The following MBP variants were observed in gnomAD, a reference collection of about 807,000 sequenced individuals.
MBP encodes myelin basic protein, also known as Golli-MBP.
A neutral mutation model predicts 35.8 loss-of-function variants in MBP; 16 were observed. The observed-to-expected ratio is 0.45, with a 90% CI of 0.30 to 0.68. The LOEUF is 0.68. MBP is among the 30% of genes least tolerant of loss of function. The pLI is 0.08. For synonymous variants in MBP, 143 were observed against 159.6 expected (o/e 0.90, Z 0.78); for missense variants, 380 against 404.7 (o/e 0.94, Z 0.52).
intron 1 of MBP, among the ~76,000 whole-genome samples, chr18:77,125,575 A>G (rs1977021627): frequency 1.3e-5 from 2 of 152,204 alleles, no homozygotes; most frequent in Non-Finnish European, 2.9e-5. Flanking sequence ...ATTTTAAAGA[A>G]ATAGAATAAT....
intron 4 of MBP, chr18:77,015,979 CTTCT>C (rs1971599238): frequency 1.0e-6 from 1 of 985,276 alleles, no homozygotes; most frequent in Non-Finnish European, 1.2e-6. Flanking sequence ...TTGGGAAAAA[CTTCT>C]TTCTCTCCAA....
chr18:76,999,912 C>T (rs561641814), intron 4 of MBP, among the ~76,000 whole-genome samples: 15 of 152,272 alleles, frequency 9.9e-5, no homozygotes, highest in African/African-American at 3.6e-4. Flanking sequence ...AAGTACTGCA[C>T]TTTCTTTGTG....
chr18:77,057,764 T>A (rs1462765571), intron 3 of MBP, among the ~76,000 whole-genome samples: 1 of 151,932 alleles, frequency 6.6e-6, no homozygotes, highest in Non-Finnish European at 1.5e-5. Context: ...AAAGATGCAA[T>A]GATTTAAAAA....
At chr18:77,107,657 A>G (rs529229420) in intron 1 of MBP, among the ~76,000 whole-genome samples, 1 of 152,310 alleles carries the variant, frequency 6.6e-6, no homozygotes, top group South Asian at 2.1e-4. Flanking sequence ...TTTCTTCCGA[A>G]TCAGTTTGTT....
At chr18:77,014,425 G>GA (rs2123444205) in intron 4 of MBP, 2 of 985,524 alleles carry the variant, frequency 2.0e-6, no homozygotes, top group South Asian at 9.4e-5. Flanking sequence ...GGGAGAAGCA[G>GA]AACTGTGTGT....
At chr18:77,013,969 G>C (rs1971487506) in intron 4 of MBP, 2 of 985,314 alleles carry the variant, frequency 2.0e-6, no homozygotes, top group South Asian at 4.7e-5. Context: ...AGGTCACTTA[G>C]AGAGAAGCTG....
chr18:77,125,909 T>C (rs1343875846), intron 1 of MBP, among the ~76,000 whole-genome samples: 1 of 150,178 alleles, frequency 6.7e-6, no homozygotes, highest in Admixed American at 6.6e-5. Context: ...GAGCTAAATA[T>C]ATACAAACAA....
chr18:77,081,765 TATACACACACAC>T (rs1482955970), intron 2 of MBP, among the ~76,000 whole-genome samples: 1 of 93,194 alleles, frequency 1.1e-5, no homozygotes, highest in Non-Finnish European at 2.4e-5. Context: ...TATATATATA[TATACACACACAC>T]ACACACACAC....
Position 76,984,755 on chromosome 18 carries a change from C to CT in MBP, c.870+19dup, listed in dbSNP as rs1453765917. 6.2e-7 allele frequency: 1 copy of CT among 1,613,680 alleles called. No homozygotes were observed. The highest frequency in any genetic ancestry group is 8.5e-7 in the Non-Finnish European group (1 of 1,179,988). ...AGCCCTTAGTCCCCGCTCAGTGGAG[C>CT]TGAGCAGAGGGTACCTTACCAGCTT... is the stretch of plus-strand genomic sequence containing the variant. On this transcript the variant is annotated intron_variant, in intron 8 of 8. Coordinates refer to ENST00000355994, the MANE Select transcript of MBP (RefSeq NM_001025101.2).
At chr18:77,019,591 A>G (rs991278454) in intron 3 of MBP, among the ~76,000 whole-genome samples, 6 of 152,334 alleles carry the variant, frequency 3.9e-5, no homozygotes, top group African/African-American at 1.4e-4. Context: ...CAATGGTCAC[A>G]GAAGAATTCC....
At chr18:77,030,243 T>G (rs1430368052) in intron 3 of MBP, among the ~76,000 whole-genome samples, 1 of 152,126 alleles carries the variant, frequency 6.6e-6, no homozygotes, top group East Asian at 1.9e-4. Flanking sequence ...TTTCCATGAT[T>G]GGCAATCCAG....
At chr18:77,013,824 C>T (rs1971478429) in intron 4 of MBP, 3 of 985,310 alleles carry the variant, frequency 3.0e-6, no homozygotes, top group South Asian at 9.4e-5. Context: ...CCATGTCCAG[C>T]TTAGGTGTCT....
chr18:77,091,404 A>G (rs1975515617), intron 2 of MBP, among the ~76,000 whole-genome samples: 1 of 152,194 alleles, frequency 6.6e-6, no homozygotes, highest in South Asian at 2.1e-4. Flanking sequence ...ATTGAATTTT[A>G]TTTATAATTA....
Position 76,980,196 on chromosome 18 carries a change from T to G in MBP, c.*231A>C. ...ACATTGCGGGGGAAGGAACGTGATC[T>G]TCACACAGAAAGGGACAGTTTTAAC... On this transcript the variant is annotated 3_prime_UTR_variant, in exon 9 of 9. Coordinates refer to ENST00000355994, the MANE Select transcript of MBP (RefSeq NM_001025101.2). 1 of 636,776 alleles carries G rather than the reference T, an allele frequency of 1.6e-6. No homozygotes were observed. The highest frequency in any genetic ancestry group is 1.8e-5 in the South Asian group (1 of 55,096). 39.4% of individuals were successfully genotyped at this position (636,776 alleles called of 1,614,324 possible).
chr18:77,009,562 C>T (rs1012444382), intron 4 of MBP, among the ~76,000 whole-genome samples: 1 of 152,258 alleles, frequency 6.6e-6, no homozygotes, highest in Non-Finnish European at 1.5e-5. Flanking sequence ...AGACTCTCAC[C>T]AAGGCTGCCC....
Position 76,988,437 on chromosome 18 carries a change from C to A in MBP, c.750+58G>T. The A allele has an allele frequency of 1.2e-6, 2 of 1,614,126 alleles. No individual in the cohort carries two copies. Among genetic ancestry groups the A allele is most frequent in the Non-Finnish European group, 1.7e-6 (2 of 1,180,018 alleles). ...GAAACAGAGCAGAACACAAAAGTTGCGGGGCTGTGAGGACTGGGACGGAAG... is the reference window on the plus strand; with the variant it reads ...GAAACAGAGCAGAACACAAAAGTTGAGGGGCTGTGAGGACTGGGACGGAAG... On this transcript the variant is annotated intron_variant, in intron 7 of 8. Transcript: ENST00000355994. The surrounding 1 kb of genome is among the most constrained non-coding windows in gnomAD (Gnocchi z 5.2).
intron 4 of MBP, chr18:77,004,251 A>G (rs1462799432): frequency 3.3e-5 from 5 of 150,544 alleles, no homozygotes; most frequent in East Asian, 2.0e-4. Context: ...GCTTCCTCTG[A>G]AAAAAAGCAC....
At chr18:77,083,622 G>A (rs1321451773) in intron 2 of MBP, among the ~76,000 whole-genome samples, 2 of 152,090 alleles carry the variant, frequency 1.3e-5, no homozygotes, top group Non-Finnish European at 2.9e-5. Context: ...ACAAAATGTG[G>A]TATATCTATA....
rs1195743379 is a variant in MBP at position 77,102,463 on chromosome 18, G to A, written c.51+2748C>T. Among the ~76,000 whole-genome samples the A allele has an allele frequency of 6.6e-6, 1 of 151,964 alleles. No individual in the cohort carries two copies. Among genetic ancestry groups the A allele is most frequent in the Non-Finnish European group, 1.5e-5 (1 of 68,008 alleles). On this transcript the variant is annotated intron_variant, in intron 2 of 8. Coordinates refer to ENST00000355994, the MANE Select transcript of MBP (RefSeq NM_001025101.2). The surrounding 1 kb of genome is among the most constrained non-coding windows in gnomAD (Gnocchi z 4.4). ...CAGAACATGTACATGTACTTGGAAG[G>A]GCACAAAATATTTCCCATCAAGTTT...
Sources: allele counts gnomAD v4.1 joint callset (sites outside exome capture counted in the v4.1 genomes callset), GRCh38; gene constraint gnomAD v4.1.1; non-coding constraint Gnocchi (gnomAD v3.1); transcripts MANE v1.5; gene names NCBI Gene and HGNC (gene_info 2026-07-23, HGNC 2026-07-21).